Variants in LRCH2 observed in about 807,000 individuals in gnomAD.
LRCH2 encodes leucine rich repeats and calponin homology domain containing 2.
A neutral mutation model predicts 68.9 loss-of-function variants in LRCH2; 38 were observed. That is an observed-to-expected ratio of 0.55 (90% CI 0.43 to 0.72). The LOEUF (loss-of-function observed/expected upper bound fraction) is 0.72. LRCH2 is among the 30% of genes least tolerant of loss of function. LRCH2 has a pLI of 0.00. For missense variants in LRCH2, 528 were observed against 572.9 expected (o/e 0.92, Z 0.80); for synonymous variants, 191 against 208.1 (o/e 0.92, Z 0.71).
intron 1 of LRCH2, chrX:115,190,526 C>T (rs782544274): frequency 3.5e-6 from 4 of 1,153,169 alleles, no homozygotes; most frequent in East Asian, 3.3e-5. Context: ...AGGGACCACT[C>T]GCCCAAAGCC....
chrX:115,170,769 A>G (rs781847210), intron 5 of LRCH2, among the ~76,000 whole-genome samples: 7 of 112,121 alleles, frequency 6.2e-5, no homozygotes, highest in Non-Finnish European at 1.3e-4. Context: ...TGAAAAATAT[A>G]TATTCATTGG....
rs1206760931 is a variant in LRCH2, at chrX:115,145,864, T to A, written c.1695+3963A>T. On this transcript the variant is annotated intron_variant, in intron 14 of 20. Transcript: ENST00000317135. ...GGAATGTAAATTAGTACGAACAATATGGAGAACAGTTTGGAGGCTCCTCAA... is the reference window on the plus strand; with the variant it reads ...GGAATGTAAATTAGTACGAACAATAAGGAGAACAGTTTGGAGGCTCCTCAA... Among the ~76,000 whole-genome samples, 4 of 111,753 alleles carry A rather than the reference T, an allele frequency of 3.6e-5. No individual in the cohort carries two copies. In the Admixed American group the frequency reaches 3.8e-4, roughly 11 times the overall value.
intron 3 of LRCH2, among the ~76,000 whole-genome samples, chrX:115,181,936 A>G: frequency 8.9e-6 from 1 of 111,880 alleles, no homozygotes; most frequent in Non-Finnish European, 1.9e-5. Flanking sequence ...CTGAACATAT[A>G]TTAACTTTTT....
At chrX:115,192,733 A>G in intron 1 of LRCH2, 8 of 932,798 alleles carry the variant, frequency 8.6e-6, no homozygotes, top group Non-Finnish European at 1.2e-5. Flanking sequence ...GACTAGTATA[A>G]GTAGGAGTTG....
chrX:115,152,862 G>GA (rs1456639419), intron 12 of LRCH2, among the ~76,000 whole-genome samples: 3 of 110,493 alleles, frequency 2.7e-5, no homozygotes, highest in African/African-American at 9.9e-5. Context: ...ACACCCAGAG[G>GA]AAAAAAGGAC....
chrX:115,205,657 A>G (rs1556567686), intron 1 of LRCH2, among the ~76,000 whole-genome samples: 1 of 112,097 alleles, frequency 8.9e-6, no homozygotes, highest in Non-Finnish European at 1.9e-5. Context: ...ATAAAAAGTC[A>G]GCTGGGCATG....
intron 1 of LRCH2, among the ~76,000 whole-genome samples, chrX:115,218,213 A>C (rs1035272175): frequency 8.0e-5 from 9 of 112,024 alleles, no homozygotes; most frequent in Non-Finnish European, 1.5e-4. Context: ...ACCAAAAAAA[A>C]CCCCTAATAT....
At chrX:115,206,390 C>T (rs1021011116) in intron 1 of LRCH2, among the ~76,000 whole-genome samples, 3 of 112,237 alleles carry the variant, frequency 2.7e-5, no homozygotes, top group Non-Finnish European at 3.8e-5. Flanking sequence ...ATGGCATTGA[C>T]GCCCACACTG....
At position 115,188,275 on chromosome X, in the gene LRCH2, T is replaced by C. The variant is rs2072748980; in HGVS notation, c.445A>G (p.Ile149Val). Residue 149 changes from isoleucine (I) to valine (V), a missense_variant, in exon 2 of 21, where the codon ATT (isoleucine) becomes GTT (valine). Transcript: ENST00000317135. ...TGCAGATTTTTAATGGCTTCAGGAA[T>C]GGTTTTGATGCAATTATGATATAAA... ...LNLYHNCIKT[I>V]PEAIKNLQML... The C allele has an allele frequency of 5.1e-6, 6 of 1,183,652 alleles. No individual in the cohort carries two copies. Among genetic ancestry groups the C allele is most frequent in the Middle Eastern group, 2.3e-4 (1 of 4,303 alleles).
At chrX:115,226,731 G>A (rs781946794) in intron 1 of LRCH2, among the ~76,000 whole-genome samples, 4 of 111,201 alleles carry the variant, frequency 3.6e-5, no homozygotes, top group African/African-American at 1.3e-4. Flanking sequence ...TTTAGATCTG[G>A]GTGACAAGGG....
intron 12 of LRCH2, among the ~76,000 whole-genome samples, chrX:115,156,281 T>C (rs782662155): frequency 8.9e-6 from 1 of 111,786 alleles, no homozygotes; most frequent in Non-Finnish European, 1.9e-5. Flanking sequence ...AACAGTATCA[T>C]AGAGAATAAA....
At chrX:115,207,068 CAA>C (rs1556568503) in intron 1 of LRCH2, among the ~76,000 whole-genome samples, 23 of 110,992 alleles carry the variant, frequency 2.1e-4, no homozygotes, top group Non-Finnish European at 4.0e-4. Flanking sequence ...TTGTGATATA[CAA>C]TAAAGGAGCT....
At chrX:115,200,906 C>T (rs2072925952) in intron 1 of LRCH2, among the ~76,000 whole-genome samples, 1 of 111,372 alleles carries the variant, frequency 9.0e-6, no homozygotes, top group Admixed American at 9.6e-5. Flanking sequence ...GAATCCTCAA[C>T]AAAATACTAG....
intron 14 of LRCH2, among the ~76,000 whole-genome samples, chrX:115,145,492 A>G (rs2072374269): frequency 9.0e-6 from 1 of 111,324 alleles, no homozygotes; most frequent in African/African-American, 3.3e-5. Flanking sequence ...GAAACAAGAA[A>G]GTGAAGAGAC....
At chrX:115,145,855 C>T (rs1046136394) in intron 14 of LRCH2, among the ~76,000 whole-genome samples, 9 of 111,436 alleles carry the variant, frequency 8.1e-5, no homozygotes, top group African/African-American at 2.3e-4. Context: ...TAAATTAGTA[C>T]GAACAATATG....
At chrX:115,164,441 A>G (rs1282809903) in intron 10 of LRCH2, among the ~76,000 whole-genome samples, 1 of 111,540 alleles carries the variant, frequency 9.0e-6, no homozygotes, top group African/African-American at 3.2e-5. Context: ...GTGTTTCTCA[A>G]GTTTAAGCAA....
intron 5 of LRCH2, 115 bp from the exon 6 acceptor site, chrX:115,170,547 C>A: frequency 1.4e-6 from 1 of 694,119 alleles, no homozygotes; most frequent in Non-Finnish European, 1.9e-6. Flanking sequence ...TTGATTGATA[C>A]TTTGCATATT....
intron 5 of LRCH2, among the ~76,000 whole-genome samples, chrX:115,176,882 G>A (rs1156751776): frequency 6.6e-5 from 7 of 106,320 alleles, no homozygotes; most frequent in African/African-American, 2.4e-4. Context: ...CAGTAGCTGA[G>A]ACTACAGGCG....
At chrX:115,182,557 G>C (rs1248695998) in intron 3 of LRCH2, among the ~76,000 whole-genome samples, 2 of 111,773 alleles carry the variant, frequency 1.8e-5, no homozygotes, top group Non-Finnish European at 3.8e-5. Context: ...TGGTACGCTG[G>C]GCGCGGTGGC....
Sources: gnomAD v4.1 joint callset for allele counts (sites outside exome capture counted in the v4.1 genomes callset) on GRCh38, gnomAD v4.1.1 for gene constraint, MANE v1.5 for transcripts, NCBI Gene and HGNC (gene_info 2026-07-23, HGNC 2026-07-21) for gene names.